Variants in RSU1 observed in about 807,000 individuals in gnomAD.
The protein encoded by RSU1 is Ras suppressor protein 1.
RSU1 carries 26 observed loss-of-function variants against 31.1 expected under a neutral mutation model. The observed-to-expected ratio is 0.84, with a 90% CI of 0.61 to 1.16. RSU1 has a LOEUF of 1.16. Ranked by LOEUF, RSU1 falls within the 50% of genes most tolerant of loss-of-function variation. RSU1 has a pLI of 0.00. For synonymous variants in RSU1, 164 were observed against 136.3 expected (o/e 1.20, Z -1.41); for missense variants, 320 against 339.1 (o/e 0.94, Z 0.44).
In RSU1 at chr10:16,640,500, A is replaced by G. The variant is rs140478469; in HGVS notation, c.732-47004T>C. Among the ~76,000 whole-genome samples the G allele has an allele frequency of 1.7e-3, 261 of 152,322 alleles. 3 individuals are homozygous for G. Among genetic ancestry groups the G allele is most frequent in the African/African-American group, 6.1e-3 (255 of 41,570 alleles). ...ACACCCCTGCCCTTTCACATTTGCT[A>G]CTAGAGGATAAAAATCCTGAACATG... is the stretch of plus-strand genomic sequence containing the variant. On this transcript the variant is annotated intron_variant, in intron 8 of 8. Transcript: ENST00000345264.
intron 8 of RSU1, among the ~76,000 whole-genome samples, chr10:16,679,090 A>G (rs1298052326): frequency 6.6e-6 from 1 of 152,252 alleles, no homozygotes; most frequent in African/African-American, 2.4e-5. Flanking sequence ...TGAGTATTAG[A>G]TAGTGAGAAC....
rs1003765345 is a variant in RSU1 at position 16,591,904 on chromosome 10, T to A, written c.*1490A>T. 6.6e-6 allele frequency: 1 copy of A among 152,164 alleles called. No individual in the cohort carries two copies. The highest frequency in any genetic ancestry group is 6.5e-5 in the Admixed American group (1 of 15,268). 9.4% of individuals were successfully genotyped at this position (152,164 alleles called of 1,614,324 possible). A position where few individuals can be genotyped will look rare whatever the true frequency, so the allele number is the denominator to read the frequency against. Reference sequence around the variant, plus strand: ...ACCTATAAAAATGATATCAACTCTATCCCTAAACAGGGGATGGGACCTGGG... The same window carrying A: ...ACCTATAAAAATGATATCAACTCTAACCCTAAACAGGGGATGGGACCTGGG... On this transcript the variant is annotated 3_prime_UTR_variant, in exon 9 of 9. Coordinates refer to ENST00000345264, the MANE Select transcript of RSU1 (RefSeq NM_012425.4).
intron 3 of RSU1, among the ~76,000 whole-genome samples, chr10:16,769,092 G>A (rs1284978186): frequency 6.6e-6 from 1 of 152,138 alleles, no homozygotes; most frequent in Non-Finnish European, 1.5e-5. Context: ...TCCCCCAACT[G>A]GTCAGCAGCC....
At chr10:16,640,719 C>G (rs1159902815) in intron 8 of RSU1, among the ~76,000 whole-genome samples, 2 of 152,228 alleles carry the variant, frequency 1.3e-5, no homozygotes, top group African/African-American at 2.4e-5. Flanking sequence ...CCTTCTCATT[C>G]CTTCACCTGG....
chr10:16,628,782 C>G (rs1834199767), intron 8 of RSU1, among the ~76,000 whole-genome samples: 1 of 152,110 alleles, frequency 6.6e-6, no homozygotes, highest in South Asian at 2.1e-4. Context: ...GTTTTTGCCT[C>G]CCTCTCTCTC....
At chr10:16,725,444 C>T (rs1836370504) in intron 7 of RSU1, among the ~76,000 whole-genome samples, 2 of 152,140 alleles carry the variant, frequency 1.3e-5, no homozygotes, top group South Asian at 4.1e-4. Context: ...GTTCTGAATG[C>T]TTCTGTTCCC....
At chr10:16,636,817 T>A (rs765172767) in intron 8 of RSU1, among the ~76,000 whole-genome samples, 1 of 152,186 alleles carries the variant, frequency 6.6e-6, no homozygotes. Flanking sequence ...GAGGTCTTCT[T>A]TGATCCGCTA....
intron 3 of RSU1, among the ~76,000 whole-genome samples, chr10:16,772,273 CA>C (rs1454343418): frequency 6.6e-6 from 1 of 152,104 alleles, no homozygotes; most frequent in Non-Finnish European, 1.5e-5. Context: ...TATGCATAAC[CA>C]AACAAATTTC....
At chr10:16,665,847 C>T (rs375865028) in intron 8 of RSU1, among the ~76,000 whole-genome samples, 6 of 152,244 alleles carry the variant, frequency 3.9e-5, no homozygotes, top group East Asian at 3.9e-4. Context: ...GACAAGGTAA[C>T]ATATTGGACA....
chr10:16,688,747 T>C (rs1046922610), intron 8 of RSU1, among the ~76,000 whole-genome samples: 3 of 152,232 alleles, frequency 2.0e-5, no homozygotes, highest in African/African-American at 7.2e-5. Flanking sequence ...GTGCCTGTAA[T>C]CTCAGCGCTT....
At chr10:16,773,549 G>A (rs1332373509) in intron 3 of RSU1, among the ~76,000 whole-genome samples, 1 of 152,222 alleles carries the variant, frequency 6.6e-6, no homozygotes, top group African/African-American at 2.4e-5. Context: ...TGCAGAGGCA[G>A]CAGGGGACAC....
intron 7 of RSU1, chr10:16,727,083 C>A (rs1377057675): frequency 2.2e-6 from 1 of 456,650 alleles, no homozygotes; most frequent in South Asian, 1.5e-5. Context: ...GCATTCCTCA[C>A]AACACAGGCT....
intron 7 of RSU1, among the ~76,000 whole-genome samples, chr10:16,743,135 G>C (rs1213752000): frequency 6.6e-6 from 1 of 152,144 alleles, no homozygotes; most frequent in Admixed American, 6.5e-5. Flanking sequence ...TTCAAAGTTG[G>C]GTACAAATAT....
intron 7 of RSU1, among the ~76,000 whole-genome samples, chr10:16,709,521 T>G (rs534896843): frequency 6.6e-6 from 1 of 152,214 alleles, no homozygotes; most frequent in Non-Finnish European, 1.5e-5. Flanking sequence ...AGCAATGGGA[T>G]GGCTGGGTCA....
At chr10:16,758,479 A>G (rs1224128790) in intron 4 of RSU1, among the ~76,000 whole-genome samples, 1 of 152,164 alleles carries the variant, frequency 6.6e-6, no homozygotes. Flanking sequence ...GGCGGTAGGA[A>G]AAGTATGGAG....
intron 3 of RSU1, among the ~76,000 whole-genome samples, chr10:16,766,271 T>C (rs1837313128): frequency 1.3e-5 from 2 of 152,208 alleles, no homozygotes; most frequent in Admixed American, 1.3e-4. Context: ...TCAAAGTTCC[T>C]CCAGAACCCT....
chr10:16,776,552 C>T (rs1032093939), intron 3 of RSU1, among the ~76,000 whole-genome samples: 40 of 151,534 alleles, frequency 2.6e-4, no homozygotes, highest in African/African-American at 8.2e-4. Context: ...TGGCCATTTC[C>T]GATGCATTAA....
chr10:16,635,328 A>C (rs1834327898), intron 8 of RSU1, among the ~76,000 whole-genome samples: 2 of 151,992 alleles, frequency 1.3e-5, no homozygotes. Flanking sequence ...CTAACCAACT[A>C]TTTCATATCC....
intron 8 of RSU1, among the ~76,000 whole-genome samples, chr10:16,686,323 T>A (rs1835439605): frequency 6.6e-6 from 1 of 152,184 alleles, no homozygotes; most frequent in Admixed American, 6.5e-5. Context: ...ATAATTCATC[T>A]CAGCTGAATA....
Sources: gnomAD v4.1 joint callset for allele counts (sites outside exome capture counted in the v4.1 genomes callset) on GRCh38, gnomAD v4.1.1 for gene constraint, MANE v1.5 for transcripts, NCBI Gene and HGNC (gene_info 2026-07-23, HGNC 2026-07-21) for gene names.